The following ITGB8 variants were observed in gnomAD, a reference collection of about 807,000 sequenced individuals.
The protein encoded by ITGB8 is integrin subunit beta 8.
ITGB8 carries 30 observed loss-of-function variants against 89.5 expected under a neutral mutation model. That is an observed-to-expected ratio of 0.34 (90% CI 0.25 to 0.45). The LOEUF is 0.45. ITGB8 is among the 20% of genes least tolerant of loss of function. ITGB8 has a pLI of 1.00. For synonymous variants in ITGB8, 335 were observed against 320.4 expected (o/e 1.05, Z -0.49); for missense variants, 836 against 933.3 (o/e 0.90, Z 1.36).
intron 8 of ITGB8, among the ~76,000 whole-genome samples, chr7:20,396,969 T>C (rs1462076954): frequency 6.6e-6 from 1 of 152,212 alleles, no homozygotes; most frequent in Non-Finnish European, 1.5e-5. Context: ...AATTCTGTTA[T>C]TATTTTATAT....
At chr7:20,369,635 C>T (rs1785848568) in intron 3 of ITGB8, among the ~76,000 whole-genome samples, 1 of 152,130 alleles carries the variant, frequency 6.6e-6, no homozygotes, top group South Asian at 2.1e-4. Context: ...GAACACAATT[C>T]AGTCGATAGC....
intron 6 of ITGB8, among the ~76,000 whole-genome samples, chr7:20,389,842 T>A (rs1562691002): frequency 6.6e-6 from 1 of 151,638 alleles, no homozygotes. Flanking sequence ...TTTGGAGTTT[T>A]TTTTTTTCCA....
intron 1 of ITGB8, among the ~76,000 whole-genome samples, chr7:20,359,414 A>G (rs1785418037): frequency 6.6e-6 from 1 of 152,230 alleles, no homozygotes; most frequent in Non-Finnish European, 1.5e-5. Flanking sequence ...GCAATCATAA[A>G]GTGGGAAAAC....
chr7:20,398,788 A>C (rs1787190839), intron 8 of ITGB8, 72 bp from the exon 9 acceptor site: 1 of 1,084,960 alleles, frequency 9.2e-7, no homozygotes, highest in African/African-American at 1.6e-5. Flanking sequence ...ATGATTTAAT[A>C]AGCTTGACTC....
intron 6 of ITGB8, among the ~76,000 whole-genome samples, chr7:20,387,547 T>A (rs1030502291): frequency 6.6e-6 from 1 of 152,196 alleles, no homozygotes; most frequent in Non-Finnish European, 1.5e-5. Context: ...GAGCCCCTGC[T>A]GGTGGTGTGG....
At chr7:20,384,876 C>A in intron 6 of ITGB8, among the ~76,000 whole-genome samples, 1 of 152,170 alleles carries the variant, frequency 6.6e-6, no homozygotes, top group Non-Finnish European at 1.5e-5. Flanking sequence ...AATGATGTTA[C>A]ACTATTGAAT....
intron 2 of ITGB8, chr7:20,366,403 AAAAAAAAGTTTTC>A (rs1260819270): frequency 1.3e-5 from 2 of 152,108 alleles, no homozygotes; most frequent in Admixed American, 6.6e-5. Flanking sequence ...GTGGGTAGGA[AAAAAAAAGTTTTC>A]ATATATATAT....
At chr7:20,350,486 C>T (rs17364847) in intron 1 of ITGB8, among the ~76,000 whole-genome samples, 53,705 of 152,108 alleles carry the variant, frequency 0.35, 9,951 homozygotes, top group Non-Finnish European at 0.41. Flanking sequence ...CTATTATAAA[C>T]TGTATCTTAA....
chr7:20,364,814 A>AT (rs1785631770), intron 2 of ITGB8: 1 of 152,128 alleles, frequency 6.6e-6, no homozygotes, highest in African/African-American at 2.4e-5. Context: ...ATAACCTCAA[A>AT]TTTGGTGTCT....
At chr7:20,346,719 G>C (rs1784937521) in intron 1 of ITGB8, 3 of 985,362 alleles carry the variant, frequency 3.0e-6, no homozygotes, top group Non-Finnish European at 3.6e-6. Context: ...CTTGACTCCA[G>C]ATGATTAAAG....
intron 3 of ITGB8, among the ~76,000 whole-genome samples, chr7:20,378,567 A>G (rs12700188): frequency 0.38 from 58,268 of 152,080 alleles, 11,564 homozygotes; most frequent in Non-Finnish European, 0.43. Flanking sequence ...CTTTAACCCA[A>G]AGGAATAAAT....
chr7:20,380,412 A>T, intron 4 of ITGB8: 1 of 398,954 alleles, frequency 2.5e-6, no homozygotes, highest in Non-Finnish European at 4.5e-6. Context: ...ACTGTCCTAT[A>T]TTAAAAAACA....
intron 11 of ITGB8, among the ~76,000 whole-genome samples, 159 bp from the exon 12 acceptor site, chr7:20,405,903 G>T (rs1257850524): frequency 2.6e-5 from 4 of 152,196 alleles, no homozygotes; most frequent in Admixed American, 2.0e-4. Context: ...ATTTGGAAAT[G>T]CAATCCTTCG....
At chr7:20,401,639 ATTCAG>A in intron 9 of ITGB8, 77 bp from the exon 10 acceptor site, 1 of 793,352 alleles carries the variant, frequency 1.3e-6, no homozygotes, top group East Asian at 2.9e-5. Context: ...TTTCTTATCA[ATTCAG>A]TTATTAACAG....
chr7:20,379,574 T>A, intron 4 of ITGB8: 1 of 161,584 alleles, frequency 6.2e-6, no homozygotes, highest in Non-Finnish European at 1.3e-5. Flanking sequence ...TGTTAGTAAC[T>A]TTGAATGAAG....
chr7:20,389,765 A>T (rs764810791), intron 6 of ITGB8, among the ~76,000 whole-genome samples: 4 of 151,792 alleles, frequency 2.6e-5, no homozygotes, highest in Non-Finnish European at 5.9e-5. Context: ...ACTGTCATCA[A>T]TCTATTTTAA....
chr7:20,384,520 A>G (rs541147263), intron 6 of ITGB8, among the ~76,000 whole-genome samples: 10 of 152,258 alleles, frequency 6.6e-5, no homozygotes, highest in African/African-American at 2.4e-4. Context: ...CTTTACAACA[A>G]CTCTATAAGG....
At chr7:20,353,604 A>C (rs1431521851) in intron 1 of ITGB8, among the ~76,000 whole-genome samples, 1 of 152,230 alleles carries the variant, frequency 6.6e-6, no homozygotes, top group African/African-American at 2.4e-5. Flanking sequence ...AAGCTAGTTC[A>C]GCTGAACTAC....
At chr7:20,346,420 G>A (rs777826998) in intron 1 of ITGB8, among the ~76,000 whole-genome samples, 11 of 152,208 alleles carry the variant, frequency 7.2e-5, no homozygotes, top group Non-Finnish European at 1.0e-4. Flanking sequence ...CTAGGGATTA[G>A]AATGTGTTGG....
Sources: allele counts gnomAD v4.1 joint callset (sites outside exome capture counted in the v4.1 genomes callset), GRCh38; gene constraint gnomAD v4.1.1; transcripts MANE v1.5; gene names NCBI Gene and HGNC (gene_info 2026-07-23, HGNC 2026-07-21).